The following MAGI2 variants were observed in gnomAD, a reference collection of about 807,000 sequenced individuals.
The protein encoded by MAGI2 is membrane associated guanylate kinase, WW and PDZ domain containing 2, also known as membrane-associated guanylate kinase, WW and PDZ domain-containing protein 2.
In MAGI2, 35 loss-of-function variants were observed where a neutral mutation model predicts 133.3. That is an observed-to-expected ratio of 0.26 (90% CI 0.20 to 0.35). The LOEUF is 0.35. Among genes scored for constraint, MAGI2 ranks in the 10% least tolerant of loss-of-function variants. The probability of loss-of-function intolerance (pLI) is 1.00; values close to 1 mark genes in which losing one functional copy is unlikely to be tolerated. For missense variants in MAGI2, 1,636 were observed against 1,863.4 expected, an observed-to-expected ratio of 0.88 and a Z score of 2.25; for synonymous variants, 729 against 710.6, an observed-to-expected ratio of 1.03 and a Z score of -0.41.
intron 1 of MAGI2, among the ~76,000 whole-genome samples, chr7:79,207,412 C>T (rs1829145266): frequency 6.6e-6 from 1 of 151,896 alleles, no homozygotes; most frequent in Non-Finnish European, 1.5e-5. Flanking sequence ...AGTAGAATTT[C>T]TACACACTAA....
intron 16 of MAGI2, among the ~76,000 whole-genome samples, chr7:78,136,076 T>C (rs1172920695): frequency 6.6e-6 from 1 of 152,122 alleles, no homozygotes; most frequent in Non-Finnish European, 1.5e-5. Flanking sequence ...TAAAATGTTA[T>C]ACGTCTTTTA....
At chr7:78,590,781 T>C (rs543458978) in intron 3 of MAGI2, among the ~76,000 whole-genome samples, 1 of 152,368 alleles carries the variant, frequency 6.6e-6, no homozygotes, top group Non-Finnish European at 1.5e-5. Flanking sequence ...TGACTGATTC[T>C]ACTACAGGTT....
chr7:78,740,718 C>T (rs1822332545), intron 2 of MAGI2, among the ~76,000 whole-genome samples: 1 of 152,106 alleles, frequency 6.6e-6, no homozygotes, highest in Non-Finnish European at 1.5e-5. Context: ...ATTGTGTAAA[C>T]AAAGTATACC....
intron 2 of MAGI2, among the ~76,000 whole-genome samples, chr7:78,643,061 C>T (rs1810477986): frequency 6.6e-6 from 1 of 152,114 alleles, no homozygotes; most frequent in Admixed American, 6.5e-5. Context: ...TATGGCTATC[C>T]CAGTTACTCT....
At chr7:79,343,240 CTT>C (rs1273568452) in intron 1 of MAGI2, 1 of 152,058 alleles carries the variant, frequency 6.6e-6, no homozygotes, top group African/African-American at 2.4e-5. Flanking sequence ...CCTTGTGTCA[CTT>C]TGTAATTTTG....
intron 2 of MAGI2, among the ~76,000 whole-genome samples, chr7:78,995,786 C>A (rs1806229205): frequency 6.6e-6 from 1 of 152,112 alleles, no homozygotes; most frequent in Non-Finnish European, 1.5e-5. Context: ...ATGGTTCTGA[C>A]TTTCCAGAGC....
intron 5 of MAGI2, among the ~76,000 whole-genome samples, chr7:78,494,079 T>A (rs1793872178): frequency 6.6e-6 from 1 of 152,030 alleles, no homozygotes; most frequent in Non-Finnish European, 1.5e-5. Flanking sequence ...TGGGATCAAG[T>A]GATTCTCCCG....
intron 9 of MAGI2, among the ~76,000 whole-genome samples, chr7:78,283,149 T>G (rs1007587507): frequency 2.0e-5 from 3 of 152,098 alleles, no homozygotes; most frequent in African/African-American, 7.2e-5. Flanking sequence ...CCTTTGAAAA[T>G]AATTTTCCTA....
intron 18 of MAGI2, among the ~76,000 whole-genome samples, chr7:78,129,202 AG>A (rs1821295354): frequency 1.4e-5 from 2 of 147,620 alleles, no homozygotes; most frequent in African/African-American, 5.0e-5. Flanking sequence ...GAGTAAAAAT[AG>A]GAGCAGATGA....
At chr7:79,378,497 G>A (rs1176636550) in intron 1 of MAGI2, among the ~76,000 whole-genome samples, 1 of 151,332 alleles carries the variant, frequency 6.6e-6, no homozygotes, top group Non-Finnish European at 1.5e-5. Flanking sequence ...GAAATTTAAG[G>A]GATACATGAT....
intron 2 of MAGI2, among the ~76,000 whole-genome samples, chr7:78,800,452 T>A (rs1331487781): frequency 6.6e-6 from 1 of 152,082 alleles, no homozygotes; most frequent in Non-Finnish European, 1.5e-5. Flanking sequence ...AAATGACTAT[T>A]TCAGCTCACA....
At chr7:78,834,581 C>T (rs1404569865) in intron 2 of MAGI2, among the ~76,000 whole-genome samples, 1 of 152,096 alleles carries the variant, frequency 6.6e-6, no homozygotes, top group Non-Finnish European at 1.5e-5. Context: ...TATTTATTAT[C>T]AGTTGATGCA....
At chr7:79,085,651 G>C (rs1322961222) in intron 1 of MAGI2, among the ~76,000 whole-genome samples, 1 of 151,880 alleles carries the variant, frequency 6.6e-6, no homozygotes, top group Non-Finnish European at 1.5e-5. Context: ...TTCTTGTTTG[G>C]TGTTGTTGTT....
chr7:78,774,626 T>A (rs1825841507), intron 2 of MAGI2, among the ~76,000 whole-genome samples: 4 of 152,186 alleles, frequency 2.6e-5, no homozygotes, highest in Admixed American at 2.0e-4. Context: ...TTGCCACTGA[T>A]CTCATCAGTT....
intron 21 of MAGI2, among the ~76,000 whole-genome samples, chr7:78,071,250 C>T (rs1814655448): frequency 6.6e-6 from 1 of 152,088 alleles, no homozygotes; most frequent in African/African-American, 2.4e-5. Flanking sequence ...TTAAGAAAGC[C>T]CCTGGCTGGG....
chr7:78,657,482 T>C (rs1812430621), intron 2 of MAGI2, among the ~76,000 whole-genome samples: 1 of 152,178 alleles, frequency 6.6e-6, no homozygotes, highest in Non-Finnish European at 1.5e-5. Flanking sequence ...AAATATTTAG[T>C]GCTAAAAAGA....
chr7:78,760,183 G>C (rs143619146), intron 2 of MAGI2, among the ~76,000 whole-genome samples: 37 of 152,028 alleles, frequency 2.4e-4, no homozygotes, highest in African/African-American at 8.2e-4. Flanking sequence ...GTTTCTCTGA[G>C]AGCACCTGCC....
chr7:78,438,506 C>A (rs985206442), intron 6 of MAGI2, among the ~76,000 whole-genome samples: 1 of 152,144 alleles, frequency 6.6e-6, no homozygotes, highest in African/African-American at 2.4e-5. Context: ...AGGCAGAAAC[C>A]AGCTCTGACC....
intron 1 of MAGI2, among the ~76,000 whole-genome samples, chr7:79,121,884 A>G (rs1819935501): frequency 6.6e-6 from 1 of 152,204 alleles, no homozygotes; most frequent in Non-Finnish European, 1.5e-5. Context: ...CTTATTCCAG[A>G]AACTTCAATT....
Sources: gnomAD v4.1 joint callset for allele counts (sites outside exome capture counted in the v4.1 genomes callset) on GRCh38, gnomAD v4.1.1 for gene constraint, MANE v1.5 for transcripts, NCBI Gene and HGNC (gene_info 2026-07-23, HGNC 2026-07-21) for gene names.